Variants in AQR observed in about 807,000 individuals in gnomAD.
AQR encodes the protein RNA helicase aquarius.
A neutral mutation model predicts 180.5 loss-of-function variants in AQR; 61 were observed. That is an observed-to-expected ratio of 0.34 (90% CI 0.28 to 0.42). The LOEUF (loss-of-function observed/expected upper bound fraction) is 0.42. AQR is among the 10% of genes least tolerant of loss of function. AQR has a pLI of 1.00. For missense variants in AQR, 1,281 were observed against 1,798.3 expected (o/e 0.71, Z 5.20); for synonymous variants, 551 against 588.8 (o/e 0.94, Z 0.93).
intron 20 of AQR, 25 bp downstream of exon 20, chr15:34,900,597 G>A: frequency 6.2e-7 from 1 of 1,604,808 alleles, no homozygotes; most frequent in Non-Finnish European, 8.5e-7. Context: ...ATGCTGGAGA[G>A]GAGCGTACCC....
At chr15:34,927,386 C>CAA (rs1472558614) in intron 12 of AQR, among the ~76,000 whole-genome samples, 15 of 152,134 alleles carry the variant, frequency 9.9e-5, no homozygotes, top group Non-Finnish European at 1.2e-4. Flanking sequence ...AAAGGATTTT[C>CAA]AATATATACA....
chr15:34,933,241 T>C (rs1279039569), intron 10 of AQR, among the ~76,000 whole-genome samples: 1 of 152,192 alleles, frequency 6.6e-6, no homozygotes, highest in African/African-American at 2.4e-5. Context: ...AGAAGTTAGT[T>C]ACTGGCAGAG....
At chr15:34,927,870 C>T (rs1893789134) in intron 12 of AQR, among the ~76,000 whole-genome samples, 1 of 152,186 alleles carries the variant, frequency 6.6e-6, no homozygotes, top group Admixed American at 6.5e-5. Context: ...AATGACTCTG[C>T]AACCCAAGCA....
In AQR at chr15:34,854,283, A is replaced by C. The variant is rs1892556701; in HGVS notation, c.*2509T>G. 6.6e-6 allele frequency: 1 copy of C among 152,092 alleles called. No individual in the cohort carries two copies. The highest frequency in any genetic ancestry group is 1.5e-5 in the Non-Finnish European group (1 of 68,012). The allele number at this position is 152,092 out of a possible 1,614,324, so 9.4% of individuals were successfully genotyped here. ...GATTCTAAAATCATGACACATTTAG[A>C]TATGAAAAATAGGATGGAGAGCAAT... is the stretch of plus-strand genomic sequence containing the variant. On this transcript the variant is annotated 3_prime_UTR_variant, in exon 35 of 35. Transcript: ENST00000156471.
At chr15:34,871,332 C>T (rs183744381) in intron 30 of AQR, among the ~76,000 whole-genome samples, 70 of 152,012 alleles carry the variant, frequency 4.6e-4, no homozygotes, top group Middle Eastern at 3.4e-3. Context: ...CATGGTGAAA[C>T]CCTGTCTCTA....
intron 16 of AQR, among the ~76,000 whole-genome samples, chr15:34,912,166 C>A (rs778870533): frequency 2.6e-5 from 4 of 152,066 alleles, no homozygotes; most frequent in Non-Finnish European, 1.5e-5. Context: ...ACTGTTTTGA[C>A]CACTGTAGCT....
chr15:34,952,236 A>G (rs1384124973), intron 4 of AQR, among the ~76,000 whole-genome samples: 1 of 152,222 alleles, frequency 6.6e-6, no homozygotes, highest in Admixed American at 6.5e-5. Context: ...CTTAGAGCAA[A>G]GAATTTAACC....
chr15:34,927,113 TC>T lies in AQR; in HGVS notation c.1039del (p.Glu347AsnfsTer13). On this transcript the variant is annotated frameshift_variant, in exon 13 of 35. Coordinates refer to ENST00000156471, the MANE Select transcript of AQR (RefSeq NM_014691.3). LOFTEE classifies it high-confidence loss of function. ...LQRAAFAHFP[E>X]LYDFALSNVA... ...ATTTGAGAGGGCAAAATCATAGAGT[TC>T]AGGAAAATGTGCAAAAGCAGCTCTC... is the stretch of plus-strand genomic sequence containing the variant. 2 of 1,585,184 alleles carry T rather than the reference TC, an allele frequency of 1.3e-6. No individual in the cohort carries two copies. The highest frequency in any genetic ancestry group is 2.4e-5 in the South Asian group (2 of 84,634).
intron 5 of AQR, among the ~76,000 whole-genome samples, chr15:34,946,893 G>T (rs1051279212): frequency 2.0e-5 from 3 of 147,928 alleles, no homozygotes; most frequent in African/African-American, 5.0e-5. Context: ...GGTGGGGGGG[G>T]TCAGCCCCCC....
intron 23 of AQR, among the ~76,000 whole-genome samples, chr15:34,891,487 G>C (rs1220181377): frequency 2.0e-5 from 3 of 152,106 alleles, no homozygotes; most frequent in Non-Finnish European, 4.4e-5. Context: ...AATTCGATGG[G>C]CATCAAGGGA....
At chr15:34,876,718 T>C (rs1892894159) in intron 27 of AQR, among the ~76,000 whole-genome samples, 1 of 152,172 alleles carries the variant, frequency 6.6e-6, no homozygotes, top group Non-Finnish European at 1.5e-5. Context: ...CAAGGATGTA[T>C]TTACCAAGAA....
chr15:34,938,213 A>T (rs1198845618), intron 9 of AQR, among the ~76,000 whole-genome samples: 9 of 152,108 alleles, frequency 5.9e-5, no homozygotes, highest in African/African-American at 1.9e-4. Context: ...ATAAAGGAAT[A>T]TTTCAATAAC....
At chr15:34,879,741 C>T (rs533417912) in intron 27 of AQR, among the ~76,000 whole-genome samples, 2 of 152,198 alleles carry the variant, frequency 1.3e-5, no homozygotes, top group East Asian at 1.9e-4. Flanking sequence ...AGGAACCAAA[C>T]GAAATGTCCC....
At chr15:34,948,217 C>CTTA (rs1262150832) in intron 5 of AQR, 47 bp downstream of exon 5, 33 of 1,603,314 alleles carry the variant, frequency 2.1e-5, no homozygotes, top group Non-Finnish European at 2.4e-5. Context: ...TTTGTAATGG[C>CTTA]TTATGTGGGT....
At chr15:34,952,050 A>AT (rs1173963573) in intron 4 of AQR, among the ~76,000 whole-genome samples, 1 of 152,238 alleles carries the variant, frequency 6.6e-6, no homozygotes, top group Non-Finnish European at 1.5e-5. Context: ...TAGAAAAACG[A>AT]TAAGACCATC....
chr15:34,940,422 C>T (rs1222049001), intron 8 of AQR, among the ~76,000 whole-genome samples: 1 of 152,148 alleles, frequency 6.6e-6, no homozygotes. Context: ...CCCCTCTACT[C>T]AGAGGCTGGG....
chr15:34,871,369 T>C (rs1273830909), intron 30 of AQR, among the ~76,000 whole-genome samples: 2 of 151,920 alleles, frequency 1.3e-5, no homozygotes, highest in Non-Finnish European at 2.9e-5. Context: ...TAGCTGGGCA[T>C]GGTGGTGCAT....
chr15:34,900,506 T>C, intron 20 of AQR, 116 bp downstream of exon 20: 2 of 1,284,586 alleles, frequency 1.6e-6, no homozygotes, highest in Non-Finnish European at 2.1e-6. Context: ...AGGTAGGGAC[T>C]GCTAAAACAA....
intron 21 of AQR, 74 bp downstream of exon 21, chr15:34,897,485 T>TA (rs1893264752): frequency 1.9e-6 from 3 of 1,543,010 alleles, no homozygotes; most frequent in Non-Finnish European, 2.7e-6. Context: ...ACAGAAAATT[T>TA]AAAAACATTC....
Sources: gnomAD v4.1 joint callset for allele counts (sites outside exome capture counted in the v4.1 genomes callset) on GRCh38, gnomAD v4.1.1 for gene constraint, MANE v1.5 for transcripts, NCBI Gene and HGNC (gene_info 2026-07-23, HGNC 2026-07-21) for gene names.